KCTD8: variants seen among roughly 807,000 people sequenced by gnomAD.
The protein encoded by KCTD8 is potassium channel tetramerization domain containing 8.
A neutral mutation model predicts 31.5 loss-of-function variants in KCTD8; 27 were observed. That is an observed-to-expected ratio of 0.86 (90% CI 0.63 to 1.18). KCTD8 has a LOEUF of 1.18. KCTD8 is among the 50% of genes most tolerant of loss of function. KCTD8 has a pLI of 0.00. For synonymous variants in KCTD8, 290 were observed against 280.0 expected, an observed-to-expected ratio of 1.04 and a Z score of -0.36; for missense variants, 658 against 647.7, an observed-to-expected ratio of 1.02 and a Z score of -0.17.
intron 1 of KCTD8, among the ~76,000 whole-genome samples, chr4:44,207,345 T>G (rs961385405): frequency 6.6e-6 from 1 of 152,212 alleles, no homozygotes; most frequent in Non-Finnish European, 1.5e-5. Context: ...CATCCTATTT[T>G]AAATCATACC....
chr4:44,299,623 G>A (rs1261252448), intron 1 of KCTD8, among the ~76,000 whole-genome samples: 2 of 151,904 alleles, frequency 1.3e-5, no homozygotes, highest in Non-Finnish European at 2.9e-5. Context: ...AGCTACTCTG[G>A]AGGCTGAGGC....
At chr4:44,321,881 A>G (rs1268105660) in intron 1 of KCTD8, among the ~76,000 whole-genome samples, 1 of 152,074 alleles carries the variant, frequency 6.6e-6, no homozygotes, top group Non-Finnish European at 1.5e-5. Context: ...GGCTTATCTC[A>G]CTTAACATAA....
At chr4:44,324,044 TAAA>T (rs34203587) in intron 1 of KCTD8, among the ~76,000 whole-genome samples, 1 of 117,234 alleles carries the variant, frequency 8.5e-6, no homozygotes, top group Admixed American at 7.9e-5. Context: ...AAAGTATAAT[TAAA>T]AAAAAAAAAA....
At chr4:44,345,755 T>C (rs924527596) in intron 1 of KCTD8, among the ~76,000 whole-genome samples, 8 of 152,156 alleles carry the variant, frequency 5.3e-5, no homozygotes, top group African/African-American at 1.9e-4. Context: ...TGGAATCAAA[T>C]TGTTTCTTAT....
chr4:44,355,845 A>G (rs1719327818), intron 1 of KCTD8, among the ~76,000 whole-genome samples: 2 of 152,178 alleles, frequency 1.3e-5, no homozygotes, highest in Non-Finnish European at 2.9e-5. Flanking sequence ...GTCTTCTATT[A>G]ATATATGGGG....
chr4:44,213,144 GC>G, intron 1 of KCTD8, among the ~76,000 whole-genome samples: 1 of 152,126 alleles, frequency 6.6e-6, no homozygotes, highest in East Asian at 1.9e-4. Context: ...CACCATCTTA[GC>G]CAGGATGGTC....
At chr4:44,175,347 A>G in intron 1 of KCTD8, 97 bp from the exon 2 acceptor site, 2 of 743,112 alleles carry the variant, frequency 2.7e-6, no homozygotes, top group Admixed American at 3.3e-5. Context: ...TTTTAAACCA[A>G]GAACATTTAT....
chr4:44,286,188 C>T (rs1717063551), intron 1 of KCTD8, among the ~76,000 whole-genome samples: 1 of 152,034 alleles, frequency 6.6e-6, no homozygotes, highest in Non-Finnish European at 1.5e-5. Flanking sequence ...AGTTTCATGA[C>T]TTTAAATACC....
In KCTD8 at chr4:44,208,019, G is replaced by A. The variant is rs150972494; in HGVS notation, c.962-32769C>T. The stretch of plus-strand genomic sequence containing the variant: ...CCTATTTGGTGACATCAGAACTTCT[G>A]GAGCTCAAGAGAGAAGTGCTGAAGA... On this transcript the variant is annotated intron_variant, in intron 1 of 1. Coordinates refer to ENST00000360029, the MANE Select transcript of KCTD8 (RefSeq NM_198353.3). Among the ~76,000 whole-genome samples the A allele has an allele frequency of 9.3e-3, 1,423 of 152,250 alleles. 15 individuals carry two copies. Among genetic ancestry groups the A allele is most frequent in the Middle Eastern group, 0.048 (14 of 294 alleles).
At position 44,364,572 on chromosome 4, in the gene KCTD8, T is replaced by C. The variant is rs115563574; in HGVS notation, c.961+82991A>G. ...CATATGATCCAGAAACTGTACTTTA[T>C]CCAAATGAGTTGAAAACTTATGTCC... On this transcript the variant is annotated intron_variant, in intron 1 of 1. Coordinates refer to ENST00000360029, the MANE Select transcript of KCTD8 (RefSeq NM_198353.3). 6.7e-3 allele frequency among the ~76,000 whole-genome samples: 1,017 copies of C among 152,236 alleles called. 8 individuals are homozygous for C. The highest frequency in any genetic ancestry group is 0.023 in the African/African-American group (975 of 41,558).
At chr4:44,383,107 A>C (rs1401735211) in intron 1 of KCTD8, among the ~76,000 whole-genome samples, 1 of 151,954 alleles carries the variant, frequency 6.6e-6, no homozygotes, top group Non-Finnish European at 1.5e-5. Flanking sequence ...GAATAGATTA[A>C]ACCAAGGAGA....
intron 1 of KCTD8, among the ~76,000 whole-genome samples, chr4:44,229,085 ATAATTATCTGTACCT>A (rs1408040491): frequency 2.0e-5 from 3 of 152,154 alleles, no homozygotes; most frequent in Non-Finnish European, 4.4e-5. Flanking sequence ...CAAAATGGAG[ATAATTATCTGTACCT>A]AAGGCATTGG....
At chr4:44,276,222 A>C (rs1275314117) in intron 1 of KCTD8, among the ~76,000 whole-genome samples, 1 of 152,036 alleles carries the variant, frequency 6.6e-6, no homozygotes, top group Non-Finnish European at 1.5e-5. Flanking sequence ...TTCCATAATA[A>C]GATACTCCTC....
chr4:44,388,893 C>CA (rs929365915), intron 1 of KCTD8, among the ~76,000 whole-genome samples: 4 of 148,902 alleles, frequency 2.7e-5, no homozygotes, highest in African/African-American at 1.0e-4. Context: ...AACTCCCCAC[C>CA]AAAAAAAGAT....
intron 1 of KCTD8, among the ~76,000 whole-genome samples, chr4:44,233,037 T>C (rs551119322): frequency 1.7e-4 from 26 of 152,174 alleles, no homozygotes; most frequent in African/African-American, 5.8e-4. Context: ...AAAATTTCAA[T>C]AAAAATTTTA....
intron 1 of KCTD8, among the ~76,000 whole-genome samples, chr4:44,338,143 TAAC>T (rs1377003004): frequency 6.6e-6 from 1 of 152,120 alleles, no homozygotes; most frequent in Non-Finnish European, 1.5e-5. Context: ...AGCAAAATGT[TAAC>T]AATAGTAATC....
intron 1 of KCTD8, among the ~76,000 whole-genome samples, chr4:44,220,951 T>C (rs1714790764): frequency 1.3e-5 from 2 of 152,198 alleles, no homozygotes; most frequent in Non-Finnish European, 2.9e-5. Flanking sequence ...ATTTTATACC[T>C]AAGAATCAAT....
intron 1 of KCTD8, among the ~76,000 whole-genome samples, chr4:44,440,723 T>C (rs903335072): frequency 2.0e-5 from 3 of 152,338 alleles, no homozygotes; most frequent in Non-Finnish European, 4.4e-5. Flanking sequence ...GGGCTGAGAA[T>C]ACCACTTTCA....
intron 1 of KCTD8, among the ~76,000 whole-genome samples, chr4:44,192,223 G>A (rs1398513890): frequency 1.3e-5 from 2 of 152,100 alleles, no homozygotes; most frequent in Non-Finnish European, 2.9e-5. Flanking sequence ...GAGAAAATCA[G>A]ACAAAAACAA....
Sources: allele counts gnomAD v4.1 joint callset (sites outside exome capture counted in the v4.1 genomes callset), GRCh38; gene constraint gnomAD v4.1.1; transcripts MANE v1.5; gene names NCBI Gene and HGNC (gene_info 2026-07-23, HGNC 2026-07-21).